Variants in TMIGD2 observed in about 807,000 individuals in gnomAD.
TMIGD2 encodes the protein transmembrane and immunoglobulin domain-containing protein 2.
In TMIGD2, 18 loss-of-function variants were observed where a neutral mutation model predicts 22.6. That is an observed-to-expected ratio of 0.80 (90% CI 0.55 to 1.18). The LOEUF is 1.18. Among genes scored for constraint, TMIGD2 ranks in the 50% most tolerant of loss-of-function variants. The probability of loss-of-function intolerance (pLI) is 0.00; values close to 1 mark genes in which losing one functional copy is unlikely to be tolerated. For synonymous variants in TMIGD2, 184 were observed against 154.1 expected (o/e 1.19, Z -1.44); for missense variants, 361 against 378.2 (o/e 0.95, Z 0.38).
chr19:4,298,538 AC>A (rs1254628261), intron 1 of TMIGD2, among the ~76,000 whole-genome samples, 193 bp from the exon 2 acceptor site: 1 of 152,038 alleles, frequency 6.6e-6, no homozygotes, highest in Non-Finnish European at 1.5e-5. Flanking sequence ...GGAGTTCCAG[AC>A]CAGCCTGGGA....
intron 2 of TMIGD2, among the ~76,000 whole-genome samples, chr19:4,296,889 A>T (rs1476715264): frequency 6.6e-6 from 1 of 152,120 alleles, no homozygotes; most frequent in Non-Finnish European, 1.5e-5. Context: ...TCTGCCCAGG[A>T]TGGGTCCATA....
chr19:4,298,147 C>CCGCAGACCCCCAGGCTGAGGCT lies in TMIGD2; in HGVS notation c.223_244dup (p.Gly82GlufsTer46). 2 of 1,613,408 alleles carry CCGCAGACCCCCAGGCTGAGGCT rather than the reference C, an allele frequency of 1.2e-6. No homozygotes were observed. Among genetic ancestry groups the CCGCAGACCCCCAGGCTGAGGCT allele is most frequent in the Non-Finnish European group, 1.7e-6 (2 of 1,179,998 alleles). On this transcript the variant is annotated frameshift_variant, in exon 2 of 5. Coordinates refer to ENST00000301272, the Ensembl canonical transcript of TMIGD2. LOFTEE classifies it high-confidence loss of function. ...CTGCCAGGAGAGCCGTCCCTGGGGCCCGCAGACCCCCAGGCTGAGGCTGCC... is the reference window on the plus strand; with the variant it reads ...CTGCCAGGAGAGCCGTCCCTGGGGCCCGCAGACCCCCAGGCTGAGGCTCGCAGACCCCCAGGCTGAGGCTGCC...
exon 2 of TMIGD2, chr19:4,298,296 C>T: frequency 6.2e-7 from 1 of 1,604,922 alleles, no homozygotes. Flanking sequence ...GCCTCACCTG[C>T]AGCAAGTTGG....
At chr19:4,294,926 T>G in intron 2 of TMIGD2, 110 bp from the exon 3 acceptor site, 1 of 1,167,128 alleles carries the variant, frequency 8.6e-7, no homozygotes, top group African/African-American at 1.6e-5. Context: ...CTTTGTGGAT[T>G]TGGGCAAGTG....
chr19:4,295,077 A>G (rs939166731), intron 2 of TMIGD2, among the ~76,000 whole-genome samples: 14 of 149,860 alleles, frequency 9.3e-5, no homozygotes, highest in African/African-American at 2.2e-4. Context: ...CCTGGCCAAC[A>G]TGGTGAAACC....
chr19:4,292,297 A>G, exon 5 of TMIGD2: 1 of 368,500 alleles, frequency 2.7e-6, no homozygotes, highest in South Asian at 2.6e-5. Flanking sequence ...CATTACAGAA[A>G]TGAGGACGGG....
exon 3 of TMIGD2, chr19:4,294,800 G>A (rs902506582): frequency 6.3e-7 from 1 of 1,588,122 alleles, no homozygotes; most frequent in Non-Finnish European, 8.6e-7. Context: ...TCCGGTTTCT[G>A]TTCTGTGTGG....
At chr19:4,292,939 C>T in intron 4 of TMIGD2, 54 bp from the exon 5 acceptor site, 1 of 1,593,336 alleles carries the variant, frequency 6.3e-7, no homozygotes, top group Non-Finnish European at 8.5e-7. Flanking sequence ...CTGCCCTCTC[C>T]AGCTGACCTC....
intron 1 of TMIGD2, among the ~76,000 whole-genome samples, chr19:4,299,925 G>A (rs1220890609): frequency 6.6e-6 from 1 of 152,080 alleles, no homozygotes; most frequent in Admixed American, 6.6e-5. Context: ...TGCCCAGTCT[G>A]GAGTGCAGTG....
At chr19:4,292,521 G>A (rs1281480975) in exon 5 of TMIGD2, 3 of 1,405,498 alleles carry the variant, frequency 2.1e-6, no homozygotes, top group Non-Finnish European at 3.0e-6. Flanking sequence ...ACAGGCGTGA[G>A]CCACCGTGTC....
chr19:4,296,951 G>A (rs1435109481), intron 2 of TMIGD2, among the ~76,000 whole-genome samples: 1 of 152,202 alleles, frequency 6.6e-6, no homozygotes, highest in Non-Finnish European at 1.5e-5. Flanking sequence ...CCTGCCTGGT[G>A]CATAACGCTA....
Position 4,298,362 on chromosome 19 carries a change from G to GCACACAGCC in TMIGD2, c.47-18_47-17insGGCTGTGTG. 1.3e-6 allele frequency: 2 copies of GCACACAGCC among 1,542,002 alleles called. No individual in the cohort carries two copies. Among genetic ancestry groups the GCACACAGCC allele is most frequent in the Non-Finnish European group, 1.7e-6 (2 of 1,149,570 alleles). ...CTTGCAGGGCTGGAGGACAGAAGAGGTAGAGGCGACCTTTCTGACTGTGCG... is the reference window on the plus strand; with the variant it reads ...CTTGCAGGGCTGGAGGACAGAAGAGGCACACAGCCTAGAGGCGACCTTTCTGACTGTGCG... On this transcript the variant is annotated splice_polypyrimidine_tract_variant and intron_variant, in intron 1 of 4. Coordinates refer to ENST00000301272, the Ensembl canonical transcript of TMIGD2.
In TMIGD2 at chr19:4,297,722, G is replaced by C. The variant is rs562747728; in HGVS notation, c.406+264C>G. Reference sequence around the variant, plus strand: ...ATACAAAAATTAGCTGGGCGTGCTGGCACGTGCCTGTAATCCCAGCTACTT... The same window carrying C: ...ATACAAAAATTAGCTGGGCGTGCTGCCACGTGCCTGTAATCCCAGCTACTT... On this transcript the variant is annotated intron_variant, in intron 2 of 4. Transcript: ENST00000301272. Among the ~76,000 whole-genome samples, 7 of 152,132 alleles carry C rather than the reference G, an allele frequency of 4.6e-5. No individual in the cohort carries two copies. In the South Asian group the frequency reaches 8.3e-4, roughly 18 times the overall value.
intron 4 of TMIGD2, 92 bp downstream of exon 4, chr19:4,294,486 TC>T (rs1353448109): frequency 8.2e-7 from 1 of 1,223,856 alleles, no homozygotes; most frequent in Non-Finnish European, 1.2e-6. Context: ...CCTCCATCCT[TC>T]CCCCAGGCGG....
chr19:4,294,877 C>A (rs1971440521), intron 2 of TMIGD2, 61 bp from the exon 3 acceptor site: 2 of 1,478,504 alleles, frequency 1.4e-6, no homozygotes, highest in Admixed American at 4.9e-5. Flanking sequence ...AAGGACAGAG[C>A]TCACTTGGGG....
chr19:4,292,329 GC>G (rs983990426), exon 5 of TMIGD2: 1 of 435,250 alleles, frequency 2.3e-6, no homozygotes, highest in African/African-American at 2.1e-5. Context: ...GGGCTGACAG[GC>G]TCCCAATCCT....
chr19:4,300,428 G>A (rs1971521462), intron 1 of TMIGD2, among the ~76,000 whole-genome samples: 2 of 151,298 alleles, frequency 1.3e-5, no homozygotes, highest in South Asian at 4.2e-4. Flanking sequence ...GTGGTGGCAT[G>A]TACCCGTAGT....
intron 4 of TMIGD2, among the ~76,000 whole-genome samples, chr19:4,294,337 G>A (rs1971428275): frequency 6.6e-6 from 1 of 152,116 alleles, no homozygotes; most frequent in Non-Finnish European, 1.5e-5. Context: ...TGACAGGCAT[G>A]AGCCACCGCG....
At chr19:4,297,876 T>C in intron 2 of TMIGD2, 110 bp downstream of exon 2, 1 of 1,349,678 alleles carries the variant, frequency 7.4e-7, no homozygotes, top group African/African-American at 1.5e-5. Context: ...AAAAAAAAAG[T>C]TTGATATGAA....
Sources: allele counts gnomAD v4.1 joint callset (sites outside exome capture counted in the v4.1 genomes callset), GRCh38; gene constraint gnomAD v4.1.1; transcripts MANE v1.5; gene names NCBI Gene and HGNC (gene_info 2026-07-23, HGNC 2026-07-21).